Variants in RPUSD1 observed in about 807,000 individuals in gnomAD.
RPUSD1 encodes pseudouridylate synthase RPUSD1.
In RPUSD1, 28 loss-of-function variants were observed where a neutral mutation model predicts 22.4. The observed-to-expected ratio is 1.25, with a 90% CI of 0.93 to 1.72. The LOEUF is 1.72. Among genes scored for constraint, RPUSD1 ranks in the 40% most tolerant of loss-of-function variants. The pLI is 0.00. For synonymous variants in RPUSD1, 298 were observed against 201.0 expected, an observed-to-expected ratio of 1.48 and a Z score of -4.08; for missense variants, 596 against 442.2, an observed-to-expected ratio of 1.35 and a Z score of -3.12.
chr16:787,975 C>T (rs1045953816), intron 1 of RPUSD1: 2 of 588,630 alleles, frequency 3.4e-6, no homozygotes, highest in Admixed American at 6.1e-5. Context: ...CCTGCCTGAC[C>T]TAAGCCTGGA....
In RPUSD1 at chr16:786,153, A is replaced by G. The variant is rs140830409; in HGVS notation, c.736T>C (p.Ser246Pro). Reference sequence around the variant, plus strand: ...AAGGCCTGCACGAGCTGGTCCAGCGACTGCAGCAGTGTGTGGGGGCTCCAG... The same window carrying G: ...AAGGCCTGCACGAGCTGGTCCAGCGGCTGCAGCAGTGTGTGGGGGCTCCAG... Reference protein sequence around the residue: ...ACWSPHTLLQSLDQLVQALRA... With the variant: ...ACWSPHTLLQPLDQLVQALRA... Residue 246 changes from serine to proline, a missense_variant, in exon 6 of 6, where the codon TCG (serine) becomes CCG (proline). Transcript: ENST00000007264. 41 of 1,610,744 alleles carry G rather than the reference A, an allele frequency of 2.5e-5. No individual in the cohort carries two copies. Among genetic ancestry groups the G allele is most frequent in the Non-Finnish European group, 3.2e-5 (38 of 1,178,556 alleles).
At position 785,970 on chromosome 16, in the gene RPUSD1, T is replaced by C; in HGVS notation, c.919A>G (p.Thr307Ala). ...GPCLQWLSEW[T>A]LEPDS is the part of the protein sequence containing the mutation. ...GGCTCTCAGCTGTCCGGTTCCAGCG[T>C]CCACTCCGACAGCCACTGCAGGCAG... Residue 307 changes from threonine (T) to alanine (A), a missense_variant, in exon 6 of 6, where the codon ACG becomes GCG. Physicochemically the swap from Thr to Ala is moderately conservative, Grantham distance 58. Transcript: ENST00000007264. The C allele has an allele frequency of 6.9e-7, 1 of 1,442,784 alleles. No homozygotes were observed. 89.4% of individuals were successfully genotyped at this position (1,442,784 alleles called of 1,614,324 possible).
intron 3 of RPUSD1, 61 bp from the exon 4 acceptor site, chr16:787,240 A>G (rs1332638902): frequency 6.4e-7 from 1 of 1,554,254 alleles, no homozygotes; most frequent in South Asian, 1.2e-5. Context: ...CGGGGAGCCC[A>G]CCTAACACCA....
intron 5 of RPUSD1, 175 bp from the exon 6 acceptor site, chr16:786,552 A>AT (rs999924059): frequency 2.6e-6 from 2 of 778,496 alleles, no homozygotes; most frequent in African/African-American, 3.4e-5. Context: ...AGGACAGAAG[A>AT]TTGTGTTCAG....
chr16:787,797 C>A (rs989399186), intron 1 of RPUSD1, 53 bp from the exon 2 acceptor site: 27 of 1,570,180 alleles, frequency 1.7e-5, no homozygotes, highest in East Asian at 2.2e-5. Context: ...GCGCCCCCAG[C>A]CCAGCATACA....
intron 1 of RPUSD1, chr16:788,022 C>T (rs117474153): frequency 0.019 from 10,488 of 548,566 alleles, 618 homozygotes; most frequent in South Asian, 0.13. Context: ...ACAGATCCTC[C>T]CCACAGACCC....
At position 786,008 on chromosome 16, in the gene RPUSD1, G is replaced by A; in HGVS notation, c.881C>T (p.Ala294Val). 1 of 1,474,430 alleles carries A rather than the reference G, an allele frequency of 6.8e-7. No homozygotes were observed. The highest frequency in any genetic ancestry group is 9.0e-7 in the Non-Finnish European group (1 of 1,117,170). The allele number at this position is 1,474,430 out of a possible 1,614,324, so 91.3% of individuals were successfully genotyped here. The change falls in exon 6 of 6, where the codon GCA becomes GTA. Residue 294 changes from alanine (A) to valine (V), a missense_variant. Physicochemically the swap from Ala to Val is moderately conservative, Grantham distance 64. Coordinates refer to ENST00000007264, the MANE Select transcript of RPUSD1 (RefSeq NM_058192.3). Reference protein sequence around the residue: ...PPPTKPPETEAQRGPCLQWLS... With the variant: ...PPPTKPPETEVQRGPCLQWLS... ...CCACTGCAGGCAGGGGCCCCGCTGT[G>A]CCTCAGTCTCAGGGGGCTTGGTTGG... is the stretch of plus-strand genomic sequence containing the variant.
chr16:785,666 G>T lies in RPUSD1; in HGVS notation c.*284C>A. On this transcript the variant is annotated 3_prime_UTR_variant, in exon 6 of 6. Transcript: ENST00000007264. ...TGAGAGCCGGAAGCTGTTCCAGGAG[G>T]AGGGAGGGGCCTCGGTTTCTCCCGG... The T allele has an allele frequency of 2.7e-6, 1 of 374,022 alleles. No individual in the cohort carries two copies. The highest frequency in any genetic ancestry group is 1.3e-4 in the South Asian group (1 of 7,726). The allele number at this position is 374,022 out of a possible 1,614,324, so 23.2% of individuals were successfully genotyped here. A position where few individuals can be genotyped will look rare whatever the true frequency, so the allele number is the denominator to read the frequency against.
In RPUSD1 at chr16:787,917, C is replaced by G; in HGVS notation, c.-7-173G>C. 4.6e-6 allele frequency: 3 copies of G among 646,790 alleles called. No individual in the cohort carries two copies. The South Asian group carries it at 5.7e-5, about 12-fold the overall frequency. The allele number at this position is 646,790 out of a possible 1,614,324, so 40.1% of individuals were successfully genotyped here. On this transcript the variant is annotated intron_variant, in intron 1 of 5. Transcript: ENST00000007264. ...TCCCCGAGATCAGTCCCCAGGGCGT[C>G]AGCTGGGGAGTCAAGGAGTCAGCCT...
chr16:787,649 T>G lies in RPUSD1; in HGVS notation c.89A>C (p.Asp30Ala). 1 of 1,612,380 alleles carries G rather than the reference T, an allele frequency of 6.2e-7. No homozygotes were observed. ...VVNKHWDVRI[D>A]SKAWRETLTL... ...CAGAGTCTCCCGCCACGCCTTGCTGTCAATGCGAACGTCCCAGTGCTTGTT... is the reference window on the plus strand; with the variant it reads ...CAGAGTCTCCCGCCACGCCTTGCTGGCAATGCGAACGTCCCAGTGCTTGTT... Residue 30 changes from aspartate to alanine, a missense_variant, in exon 2 of 6, where the codon GAC becomes GCC. Asp to Ala is a moderately radical substitution (Grantham distance 126). Transcript: ENST00000007264.
rs2041960306 is a variant in RPUSD1, at chr16:787,126, C to T, written c.360G>A (p.Arg120=). The part of the protein sequence containing the change: ...SRVTISHAIG[R]NSTEGRAHTM... ...TGTGGGCCCGGCCCTCCGTGCTGTT[C>T]CTGCCAATGGCATGGCTGATGGTTA... is the stretch of plus-strand genomic sequence containing the variant. The change falls in exon 4 of 6, where the codon AGG becomes AGA. Residue 120 remains arginine (R), a synonymous_variant. Transcript: ENST00000007264. 2 of 1,608,634 alleles carry T rather than the reference C, an allele frequency of 1.2e-6. No homozygotes were observed. The highest frequency in any genetic ancestry group is 1.7e-6 in the Non-Finnish European group (2 of 1,179,484).
At position 788,316 on chromosome 16, in the gene RPUSD1, G is replaced by C. The variant is rs2042036722; in HGVS notation, c.-68C>G. ...CGTGCCCGGCGCCGGCTCCAGCCGC[G>C]CGCCCGCGCGCTGGCGACCCAGAGA... On this transcript the variant is annotated 5_prime_UTR_variant, in exon 1 of 6. Transcript: ENST00000007264. The C allele has an allele frequency of 4.5e-6, 1 of 221,862 alleles. No homozygotes were observed. Among genetic ancestry groups the C allele is most frequent in the South Asian group, 5.0e-5 (1 of 20,120 alleles). 13.7% of individuals were successfully genotyped at this position (221,862 alleles called of 1,614,324 possible).
intron 5 of RPUSD1, chr16:786,606 G>A (rs1454137686): frequency 2.7e-6 from 2 of 736,380 alleles, no homozygotes; most frequent in Middle Eastern, 2.2e-4. Flanking sequence ...CTCGGTCCTG[G>A]AGAATCTAGG....
rs147626249 is a variant in RPUSD1 at position 786,152 on chromosome 16, G to T, written c.737C>A (p.Ser246Ter). 2 of 1,611,014 alleles carry T rather than the reference G, an allele frequency of 1.2e-6. No individual in the cohort carries two copies. Among genetic ancestry groups the T allele is most frequent in the Admixed American group, 1.7e-5 (1 of 59,988 alleles). ...TAAGGCCTGCACGAGCTGGTCCAGC[G>T]ACTGCAGCAGTGTGTGGGGGCTCCA... ...ACWSPHTLLQ[S>*]LDQLVQALRA... Residue 246 changes from serine to a stop codon, truncating the protein, a stop_gained, in exon 6 of 6, where the codon TCG becomes TAG. Transcript: ENST00000007264. LOFTEE classifies it low-confidence loss of function (END_TRUNC).
intron 5 of RPUSD1, 81 bp from the exon 6 acceptor site, chr16:786,458 G>C: frequency 7.1e-7 from 1 of 1,402,236 alleles, no homozygotes; most frequent in Non-Finnish European, 9.7e-7. Context: ...CCCACCTCCC[G>C]TCATGACCCC....
chr16:787,913 G>C, intron 1 of RPUSD1, 169 bp from the exon 2 acceptor site: 1 of 654,946 alleles, frequency 1.5e-6, no homozygotes, highest in Middle Eastern at 4.2e-4. Flanking sequence ...AGTCCCCAGG[G>C]CGTCAGCTGG....
At position 787,604 on chromosome 16, in the gene RPUSD1, C is replaced by T. The variant is rs536733840; in HGVS notation, c.134G>A (p.Arg45Gln). 61 of 1,611,544 alleles carry T rather than the reference C, an allele frequency of 3.8e-5. 1 individual carries two copies. In the Middle Eastern group the frequency reaches 4.9e-4, roughly 13 times the overall value. ...RETLTLQKQLRYRFPELADPD... is the reference protein window; with the variant it reads ...RETLTLQKQLQYRFPELADPD... ...GTCGGCCAGCTCGGGAAAGCGGTAC[C>T]GCAGCTGCTTCTGCAGGGTCAGAGT... Residue 45 changes from arginine to glutamine, a missense_variant, in exon 2 of 6, where the codon CGG becomes CAG. By Grantham distance (43) the Arg-to-Gln change is conservative (BLOSUM62 1). Transcript: ENST00000007264.
chr16:786,343 G>T lies in RPUSD1; in HGVS notation c.546C>A (p.Ala182=). 1.2e-6 allele frequency: 2 copies of T among 1,611,808 alleles called. No individual in the cohort carries two copies. Among genetic ancestry groups the T allele is most frequent in the Non-Finnish European group, 1.7e-6 (2 of 1,179,408 alleles). Residue 182 remains alanine (A), a synonymous_variant, in exon 6 of 6, where the codon GCC becomes GCA. Transcript: ENST00000007264. ...RTHQLRVHCS[A]LGHPVVGDLT... ...GGTCGCCCACCACGGGGTGGCCCAG[G>T]GCACTGCAGTGCACGCGCAGCTGGT...
rs145065846 is a variant in RPUSD1 at position 786,352 on chromosome 16, G to A, written c.537C>T (p.His179=). Residue 179 remains histidine, a synonymous_variant, in exon 6 of 6, where the codon CAC becomes CAT. Transcript: ENST00000007264. Reference sequence around the variant, plus strand: ...CCACGGGGTGGCCCAGGGCACTGCAGTGCACGCGCAGCTGGTGTGTCCGGC... The same window carrying A: ...CCACGGGGTGGCCCAGGGCACTGCAATGCACGCGCAGCTGGTGTGTCCGGC... ...LTGRTHQLRV[H]CSALGHPVVG... is the part of the protein sequence containing the mutation. The A allele has an allele frequency of 3.7e-6, 6 of 1,610,452 alleles. No individual in the cohort carries two copies. In the East Asian group the frequency reaches 1.3e-4, roughly 36 times the overall value.
Sources: gnomAD v4.1 joint callset for allele counts on GRCh38, gnomAD v4.1.1 for gene constraint, MANE v1.5 for transcripts, NCBI Gene and HGNC (gene_info 2026-07-23, HGNC 2026-07-21) for gene names.